The following SDK1 variants were observed in gnomAD, a reference collection of about 807,000 sequenced individuals.
SDK1 encodes the protein sidekick cell adhesion molecule 1.
Under a neutral mutation model 245.5 loss-of-function variants are expected in SDK1, and 157 were observed. The ratio of observed to expected loss-of-function variants is 0.64; its 90% confidence interval spans 0.56 to 0.73. The LOEUF (loss-of-function observed/expected upper bound fraction) is 0.73, where lower values mean the gene tolerates loss of function less well. Ranked by LOEUF, SDK1 falls within the 30% of genes least tolerant of loss-of-function variation. The pLI, the probability that SDK1 is intolerant of heterozygous loss-of-function variation, is 0.00. For synonymous variants in SDK1, 1,647 were observed against 1,278.5 expected, an observed-to-expected ratio of 1.29 and a Z score of -6.15; for missense variants, 3,583 against 3,002.3, an observed-to-expected ratio of 1.19 and a Z score of -4.52.
chr7:3,502,792 G>A lies in SDK1; in HGVS notation c.299-116288G>A, dbSNP rs141429803. 4.6e-5 allele frequency among the ~76,000 whole-genome samples: 7 copies of A among 152,276 alleles called. No homozygotes were observed. In the East Asian group the frequency reaches 1.4e-3, roughly 29 times the overall value. On this transcript the variant is annotated intron_variant, in intron 1 of 44. Transcript: ENST00000404826. ...CTAATTAACAACACATTTCTTACACGTGAGAGGGCTGTTTTTTAGAAATCA... is the reference window on the plus strand; with the variant it reads ...CTAATTAACAACACATTTCTTACACATGAGAGGGCTGTTTTTTAGAAATCA...
At chr7:3,502,410 T>C (rs1211790489) in intron 1 of SDK1, among the ~76,000 whole-genome samples, 1 of 152,046 alleles carries the variant, frequency 6.6e-6, no homozygotes, top group African/African-American at 2.4e-5. Context: ...CCACCATGCC[T>C]GGCTAATTTT....
At chr7:3,641,422 A>G (rs1176305884) in intron 3 of SDK1, among the ~76,000 whole-genome samples, 1 of 152,200 alleles carries the variant, frequency 6.6e-6, no homozygotes, top group Middle Eastern at 3.2e-3. Flanking sequence ...GATTAAGTCA[A>G]CAGTATGAGA....
At chr7:3,465,076 A>G (rs188049070) in intron 1 of SDK1, among the ~76,000 whole-genome samples, 1 of 152,154 alleles carries the variant, frequency 6.6e-6, no homozygotes, top group Non-Finnish European at 1.5e-5. Flanking sequence ...CAGAATTTAC[A>G]TGTGGTGGGG....
At chr7:4,200,787 A>T (rs1425902549) in intron 35 of SDK1, among the ~76,000 whole-genome samples, 1 of 152,220 alleles carries the variant, frequency 6.6e-6, no homozygotes, top group African/African-American at 2.4e-5. Context: ...TTCAGCCCAC[A>T]TTCAAGGGAA....
intron 19 of SDK1, among the ~76,000 whole-genome samples, chr7:4,060,191 T>A (rs1341517507): frequency 1.3e-5 from 2 of 152,010 alleles, no homozygotes; most frequent in Non-Finnish European, 2.9e-5. Context: ...AGAAATTTCT[T>A]GAAACAAATG....
chr7:4,125,252 G>GGATGGATGGGT (rs1784316240), intron 25 of SDK1, among the ~76,000 whole-genome samples: 1 of 150,734 alleles, frequency 6.6e-6, no homozygotes, highest in Non-Finnish European at 1.5e-5. Context: ...AGGAATGAAT[G>GGATGGATGGGT]GATGGATGGG....
intron 2 of SDK1, among the ~76,000 whole-genome samples, chr7:3,629,378 C>A (rs1157583015): frequency 6.6e-6 from 1 of 151,882 alleles, no homozygotes; most frequent in Non-Finnish European, 1.5e-5. Flanking sequence ...CCAGAGGGTC[C>A]CCCTTTAATA....
intron 21 of SDK1, among the ~76,000 whole-genome samples, chr7:4,078,951 C>T (rs964710754): frequency 2.6e-5 from 4 of 152,096 alleles, no homozygotes; most frequent in Non-Finnish European, 4.4e-5. Flanking sequence ...TGATCCTGAC[C>T]GGGTGTCACG....
At chr7:3,927,378 G>T (rs1208398626) in intron 5 of SDK1, among the ~76,000 whole-genome samples, 3 of 151,942 alleles carry the variant, frequency 2.0e-5, no homozygotes, top group South Asian at 4.2e-4. Flanking sequence ...AGCACCTACC[G>T]TGTGCTGGCT....
chr7:4,225,964 T>C (rs1446807883), intron 40 of SDK1, among the ~76,000 whole-genome samples: 1 of 152,142 alleles, frequency 6.6e-6, no homozygotes, highest in East Asian at 1.9e-4. Flanking sequence ...TGTTCTTTCA[T>C]GGGAAGTTGA....
intron 1 of SDK1, among the ~76,000 whole-genome samples, chr7:3,531,618 C>A (rs1783347063): frequency 6.6e-6 from 1 of 152,102 alleles, no homozygotes. Flanking sequence ...ACAATGTATT[C>A]ATTATTTGCT....
Position 3,658,750 on chromosome 7 carries a change from G to A in SDK1, c.713+16645G>A, listed in dbSNP as rs112028760. On this transcript the variant is annotated intron_variant, in intron 4 of 44. Transcript: ENST00000404826. ...ATGTCTCAGCCTCCTGAGTAGCTGC[G>A]ACTACAGACACCTGCCACCACACCT... Among the ~76,000 whole-genome samples the A allele has an allele frequency of 8.6e-3, 1,306 of 151,776 alleles. 22 individuals carry two copies. The highest frequency in any genetic ancestry group is 0.03 in the African/African-American group (1,226 of 41,362).
In SDK1 at chr7:3,386,461, A is replaced by T. The variant is rs574004000; in HGVS notation, c.298+84577A>T. On this transcript the variant is annotated intron_variant, in intron 1 of 44. Transcript: ENST00000404826. ...CTTGGAATCATTTCAAAACACACTC[A>T]TATTTTGTTTAGAGTTAACAGAGCT... Among the ~76,000 whole-genome samples, 7 of 152,296 alleles carry T rather than the reference A, an allele frequency of 4.6e-5. No homozygotes were observed. The East Asian group carries it at 1.3e-3, about 29-fold the overall frequency.
intron 1 of SDK1, among the ~76,000 whole-genome samples, chr7:3,548,017 C>A (rs1449818475): frequency 3.3e-5 from 5 of 152,086 alleles, no homozygotes; most frequent in Middle Eastern, 3.2e-3. Context: ...TTCTAAAGTG[C>A]CAATGGAAAA....
chr7:4,015,962 T>G (rs1256559984), intron 16 of SDK1, among the ~76,000 whole-genome samples: 1 of 152,248 alleles, frequency 6.6e-6, no homozygotes, highest in Non-Finnish European at 1.5e-5. Context: ...ATTTCTCGAT[T>G]TCCTCACTTC....
chr7:4,112,183 C>A (rs942330177), intron 23 of SDK1, among the ~76,000 whole-genome samples: 1 of 152,116 alleles, frequency 6.6e-6, no homozygotes, highest in African/African-American at 2.4e-5. Context: ...AACATTGGTT[C>A]AGTCTGGAAA....
chr7:3,762,230 GAC>G (rs1780127357), intron 4 of SDK1, among the ~76,000 whole-genome samples: 1 of 151,226 alleles, frequency 6.6e-6, no homozygotes, highest in African/African-American at 2.5e-5. Context: ...CCTCCTATGG[GAC>G]ATTCTGGGTC....
rs550607897 is a variant in SDK1, at chr7:3,416,284, G to A, written c.298+114400G>A. 1.4e-4 allele frequency among the ~76,000 whole-genome samples: 22 copies of A among 152,200 alleles called. No homozygotes were observed. In the South Asian group the frequency reaches 4.4e-3, roughly 30 times the overall value. ...TATTACTAAAAGTTTTTGCCGTTCA[G>A]GGAGGAGTTGGTCTCACTTTTTTGT... On this transcript the variant is annotated intron_variant, in intron 1 of 44. Coordinates refer to ENST00000404826, the MANE Select transcript of SDK1 (RefSeq NM_152744.4).
Position 3,909,427 on chromosome 7 carries a change from A to G in SDK1, c.848-41496A>G, listed in dbSNP as rs528083596. ...GGTGGAGTAGCCTCTGCCCATCCTGAGGGACCTCCTCCGTCCTCCAGTTGT... is the reference window on the plus strand; with the variant it reads ...GGTGGAGTAGCCTCTGCCCATCCTGGGGGACCTCCTCCGTCCTCCAGTTGT... On this transcript the variant is annotated intron_variant, in intron 5 of 44. Coordinates refer to ENST00000404826, the MANE Select transcript of SDK1 (RefSeq NM_152744.4). 2.5e-4 allele frequency among the ~76,000 whole-genome samples: 38 copies of G among 152,288 alleles called. No individual in the cohort carries two copies. In the South Asian group the frequency reaches 7.7e-3, roughly 31 times the overall value.
Sources: allele counts gnomAD v4.1 joint callset (sites outside exome capture counted in the v4.1 genomes callset), GRCh38; gene constraint gnomAD v4.1.1; transcripts MANE v1.5; gene names NCBI Gene and HGNC (gene_info 2026-07-23, HGNC 2026-07-21).